CNTLN: variants seen among roughly 807,000 people sequenced by gnomAD.
CNTLN encodes the protein centlein.
In CNTLN, 212 loss-of-function variants were observed where a neutral mutation model predicts 180.0. The observed-to-expected ratio is 1.18, with a 90% CI of 1.05 to 1.32. The LOEUF (loss-of-function observed/expected upper bound fraction) is 1.32, where lower values mean the gene tolerates loss of function less well. Ranked by LOEUF, CNTLN falls within the 40% of genes most tolerant of loss-of-function variation. The probability of loss-of-function intolerance (pLI) is 0.00; values close to 1 mark genes in which losing one functional copy is unlikely to be tolerated. For missense variants in CNTLN, 2,095 were observed against 1,610.9 expected (o/e 1.30, Z -5.14); for synonymous variants, 722 against 563.1 (o/e 1.28, Z -3.99).
intron 2 of CNTLN, among the ~76,000 whole-genome samples, chr9:17,217,749 A>G (rs923231973): frequency 6.6e-6 from 1 of 152,208 alleles, no homozygotes; most frequent in Non-Finnish European, 1.5e-5. Flanking sequence ...GTTGTTTTAC[A>G]TAATAAATGT....
At chr9:17,389,983 C>A (rs776795661) in intron 14 of CNTLN, among the ~76,000 whole-genome samples, 2 of 151,984 alleles carry the variant, frequency 1.3e-5, no homozygotes, top group Non-Finnish European at 2.9e-5. Context: ...CAGACAAATA[C>A]AGAGGGAAGT....
intron 1 of CNTLN, among the ~76,000 whole-genome samples, chr9:17,139,034 T>C (rs1817907516): frequency 6.6e-6 from 1 of 152,194 alleles, no homozygotes; most frequent in South Asian, 2.1e-4. Flanking sequence ...TTTTAAAAAT[T>C]ATTATTTGAT....
At chr9:17,320,750 A>T (rs7028433) in intron 8 of CNTLN, among the ~76,000 whole-genome samples, 9 of 152,006 alleles carry the variant, frequency 5.9e-5, no homozygotes, top group Admixed American at 5.2e-4. Flanking sequence ...TGATCCACCC[A>T]CCTCAGCCTC....
chr9:17,401,146 G>T lies in CNTLN; in HGVS notation c.2615+6077G>T, dbSNP rs546171118. Among the ~76,000 whole-genome samples, 15 of 152,188 alleles carry T rather than the reference G, an allele frequency of 9.9e-5. 1 individual carries two copies. The South Asian group carries it at 3.1e-3, about 32-fold the overall frequency. On this transcript the variant is annotated intron_variant, in intron 15 of 25. Coordinates refer to ENST00000380647, the MANE Select transcript of CNTLN (RefSeq NM_017738.4). The stretch of plus-strand genomic sequence containing the variant: ...AGCATTTTATTCCTAGGTTACTGTA[G>T]ATCTAGATTCCATAGAACTTTGCAT...
intron 23 of CNTLN, among the ~76,000 whole-genome samples, chr9:17,474,101 C>A (rs1832193212): frequency 6.6e-6 from 1 of 152,112 alleles, no homozygotes; most frequent in African/African-American, 2.4e-5. Context: ...TCTAGACAAT[C>A]TGTACCAACA....
At position 17,273,752 on chromosome 9, in the gene CNTLN, T is replaced by G. The variant is rs577506365; in HGVS notation, c.869T>G (p.Ile290Ser). The G allele has an allele frequency of 7.8e-6, 12 of 1,533,778 alleles. No homozygotes were observed. The East Asian group carries it at 2.0e-4, about 25-fold the overall frequency. The change falls in exon 6 of 26, where the codon ATT (isoleucine) becomes AGT (serine). Residue 290 changes from isoleucine (I) to serine (S), a missense_variant. Coordinates refer to ENST00000380647, the MANE Select transcript of CNTLN (RefSeq NM_017738.4). Reference protein sequence around the residue: ...AKIKTFEDNLIEARKEVEVSQ... With the variant: ...AKIKTFEDNLSEARKEVEVSQ... The stretch of plus-strand genomic sequence containing the variant: ...TTTTAGACCTTTGAAGACAATTTAA[T>G]TGAAGCAAGGAAAGAAGTTGAAGTA...
chr9:17,161,717 A>G (rs530366448), intron 2 of CNTLN, among the ~76,000 whole-genome samples: 14 of 152,330 alleles, frequency 9.2e-5, no homozygotes, highest in African/African-American at 3.4e-4. Context: ...CTAAAATTAT[A>G]TTGTGAATAA....
intron 16 of CNTLN, among the ~76,000 whole-genome samples, chr9:17,411,340 G>A (rs1480599774): frequency 6.6e-6 from 1 of 152,124 alleles, no homozygotes; most frequent in Admixed American, 6.5e-5. Context: ...TCCTACTCCA[G>A]GCAAACACCA....
intron 2 of CNTLN, among the ~76,000 whole-genome samples, chr9:17,206,944 A>G (rs148193322): frequency 6.6e-6 from 1 of 152,348 alleles, no homozygotes; most frequent in African/African-American, 2.4e-5. Flanking sequence ...AAAAAGAGCT[A>G]GGGTCCCAGA....
At chr9:17,458,889 A>G (rs1032496655) in intron 19 of CNTLN, among the ~76,000 whole-genome samples, 2 of 151,856 alleles carry the variant, frequency 1.3e-5, no homozygotes, top group African/African-American at 4.8e-5. Context: ...CATGAATCCT[A>G]AAATGTGTCT....
At chr9:17,209,213 T>C (rs903874603) in intron 2 of CNTLN, among the ~76,000 whole-genome samples, 8 of 152,190 alleles carry the variant, frequency 5.3e-5, no homozygotes, top group Admixed American at 1.3e-4. Context: ...TTTTCATGTG[T>C]TTTTAGAGGT....
chr9:17,496,883 G>A (rs1171232463), intron 25 of CNTLN, among the ~76,000 whole-genome samples: 3 of 152,126 alleles, frequency 2.0e-5, no homozygotes, highest in African/African-American at 7.2e-5. Context: ...TGAGAACGAA[G>A]TCAGTCATAT....
chr9:17,469,379 A>G (rs530021586), intron 23 of CNTLN, among the ~76,000 whole-genome samples: 7 of 151,712 alleles, frequency 4.6e-5, no homozygotes, highest in African/African-American at 1.7e-4. Flanking sequence ...TGTATAACCT[A>G]TTTTTCAAAT....
chr9:17,256,599 T>C (rs1347834429), intron 5 of CNTLN, among the ~76,000 whole-genome samples: 3 of 151,794 alleles, frequency 2.0e-5, no homozygotes, highest in Non-Finnish European at 2.9e-5. Context: ...TTGTCTTTTA[T>C]TTGCAATTCT....
chr9:17,389,052 G>T, intron 14 of CNTLN, among the ~76,000 whole-genome samples: 1 of 151,980 alleles, frequency 6.6e-6, no homozygotes, highest in South Asian at 2.1e-4. Flanking sequence ...AGCTGAAAAT[G>T]TACAAATATA....
rs997682163 is a variant in CNTLN, at chr9:17,194,546, G to T, written c.450-31657G>T. ...CAACAAGTTCCTCATCTCCATCGGA[G>T]ACCACCTCAGCCTAGACTTTATTAT... is the stretch of plus-strand genomic sequence containing the variant. On this transcript the variant is annotated intron_variant, in intron 2 of 25. Transcript: ENST00000380647. Among the ~76,000 whole-genome samples, 4 of 152,154 alleles carry T rather than the reference G, an allele frequency of 2.6e-5. No individual in the cohort carries two copies. The East Asian group carries it at 7.7e-4, about 29-fold the overall frequency.
In CNTLN at chr9:17,484,337, C is replaced by T. The variant is rs757732796; in HGVS notation, c.3898C>T (p.Arg1300Ter). ...GCAAAATGATGTCCATGTGGTAAGG[C>T]GACAAATAAGAGAGCTTAAAAAAAT... ...ELQNDVHVVR[R>*]QIRELKKMKK... Residue 1300 changes from arginine to a stop codon, truncating the protein, a stop_gained, in exon 24 of 26, where the codon CGA (arginine) becomes TGA (stop). Transcript: ENST00000380647. LOFTEE classifies it high-confidence loss of function. 13 of 1,609,372 alleles carry T rather than the reference C, an allele frequency of 8.1e-6. No individual in the cohort carries two copies. Among genetic ancestry groups the T allele is most frequent in the South Asian group, 1.1e-5 (1 of 90,434 alleles).
At chr9:17,325,555 T>TTA (rs1178352306) in intron 8 of CNTLN, among the ~76,000 whole-genome samples, 1 of 44,890 alleles carries the variant, frequency 2.2e-5, no homozygotes, top group Non-Finnish European at 5.9e-5. Flanking sequence ...ACAGATTTTA[T>TTA]TACACACACA....
chr9:17,249,075 A>G (rs1198530523), intron 5 of CNTLN, among the ~76,000 whole-genome samples: 4 of 151,820 alleles, frequency 2.6e-5, no homozygotes, highest in Non-Finnish European at 5.9e-5. Flanking sequence ...TTTCAACTCT[A>G]ATATTCATTA....
Sources: gnomAD v4.1 joint callset for allele counts (sites outside exome capture counted in the v4.1 genomes callset) on GRCh38, gnomAD v4.1.1 for gene constraint, MANE v1.5 for transcripts, NCBI Gene and HGNC (gene_info 2026-07-23, HGNC 2026-07-21) for gene names.